C12orf50: variants seen among roughly 807,000 people sequenced by gnomAD.
C12orf50 encodes zinc finger CCCH-type containing 11D.
C12orf50 carries 35 observed loss-of-function variants against 61.6 expected under a neutral mutation model. The ratio of observed to expected loss-of-function variants is 0.57; its 90% confidence interval spans 0.43 to 0.75. The LOEUF is 0.75. C12orf50 is among the 30% of genes least tolerant of loss of function. C12orf50 has a pLI of 0.00. For missense variants in C12orf50, 475 were observed against 488.5 expected, an observed-to-expected ratio of 0.97 and a Z score of 0.26; for synonymous variants, 178 against 161.5, an observed-to-expected ratio of 1.10 and a Z score of -0.77.
At chr12:88,024,349 T>C (rs187925425) in intron 3 of C12orf50, among the ~76,000 whole-genome samples, 54 of 152,284 alleles carry the variant, frequency 3.5e-4, no homozygotes, top group Non-Finnish European at 2.1e-4. Context: ...CACAGCACTA[T>C]TCACAATAGC....
intron 3 of C12orf50, among the ~76,000 whole-genome samples, chr12:88,012,439 TCA>T (rs1277193977): frequency 6.6e-6 from 1 of 152,182 alleles, no homozygotes; most frequent in Non-Finnish European, 1.5e-5. Flanking sequence ...TCATTTAGAC[TCA>T]CAGGAATTGG....
At chr12:88,002,975 T>C (rs1375940968) in intron 3 of C12orf50, among the ~76,000 whole-genome samples, 1 of 151,890 alleles carries the variant, frequency 6.6e-6, no homozygotes, top group Admixed American at 6.6e-5. Context: ...CTTCCTCCTT[T>C]CTGTGCTACT....
chr12:88,027,935 G>A (rs2032766549), intron 1 of C12orf50: 1 of 152,252 alleles, frequency 6.6e-6, no homozygotes, highest in South Asian at 2.1e-4. Context: ...GCACGGGTTA[G>A]TAGGCAGGGG....
chr12:88,025,380 G>C (rs539117938), intron 3 of C12orf50, among the ~76,000 whole-genome samples: 1 of 152,124 alleles, frequency 6.6e-6, no homozygotes, highest in Admixed American at 6.5e-5. Flanking sequence ...TTCTCAGTTC[G>C]TAAGACATAA....
intron 4 of C12orf50, among the ~76,000 whole-genome samples, 186 bp downstream of exon 4, chr12:87,997,849 C>A (rs1312237139): frequency 6.6e-6 from 1 of 151,964 alleles, no homozygotes; most frequent in African/African-American, 2.4e-5. Context: ...ACTTTCCAAT[C>A]CAAAAGATCA....
In C12orf50 at chr12:88,007,877, T is replaced by C. The variant is rs114389340; in HGVS notation, c.134-9687A>G. Among the ~76,000 whole-genome samples, 500 of 152,158 alleles carry C rather than the reference T, an allele frequency of 3.3e-3. 3 individuals carry two copies. The highest frequency in any genetic ancestry group is 0.012 in the African/African-American group (478 of 41,534). On this transcript the variant is annotated intron_variant, in intron 3 of 12. Transcript: ENST00000298699. ...AGTGATAATTGTAATAATAATTCAA[T>C]CCTAAAGGCATGTTAAAGACCATAT...
chr12:88,024,444 G>A (rs910476454), intron 3 of C12orf50, among the ~76,000 whole-genome samples: 3 of 152,136 alleles, frequency 2.0e-5, no homozygotes, highest in Admixed American at 6.5e-5. Flanking sequence ...ATTACTACAC[G>A]CCATAAAACA....
chr12:87,980,310 T>TC lies in C12orf50; in HGVS notation c.*20dup. On this transcript the variant is annotated 3_prime_UTR_variant, in exon 13 of 13. Transcript: ENST00000298699. ...ATGTCTGGCAATTTTTTCTCATTTT[T>TC]CTCTCTCTCAACCTCCAGGTTTACT... 6.2e-7 allele frequency: 1 copy of TC among 1,603,354 alleles called. No homozygotes were observed.
intron 3 of C12orf50, among the ~76,000 whole-genome samples, chr12:88,007,751 A>C (rs1410703507): frequency 6.6e-6 from 1 of 152,196 alleles, no homozygotes; most frequent in Non-Finnish European, 1.5e-5. Flanking sequence ...TTGATCATTA[A>C]TTCACCTAAT....
At chr12:88,005,125 G>A (rs558161603) in intron 3 of C12orf50, among the ~76,000 whole-genome samples, 1 of 152,064 alleles carries the variant, frequency 6.6e-6, no homozygotes, top group Non-Finnish European at 1.5e-5. Context: ...TTCTGTATGT[G>A]GATTATAATT....
chr12:88,019,894 T>C (rs1171261185), intron 3 of C12orf50, among the ~76,000 whole-genome samples: 1 of 152,068 alleles, frequency 6.6e-6, no homozygotes, highest in Non-Finnish European at 1.5e-5. Context: ...TCAGCATTCT[T>C]AGAGAAAAAA....
rs1181666161 is a variant in C12orf50 at position 87,995,869 on chromosome 12, T to C, written c.481+505A>G. Among the ~76,000 whole-genome samples the C allele has an allele frequency of 5.3e-5, 8 of 152,284 alleles. No homozygotes were observed. In the East Asian group the frequency reaches 7.7e-4, roughly 15 times the overall value. ...AGATGTTCATCCACAGTAAATCAGA[T>C]TCTCCAAAGGTAAGCGCCATAAAAA... On this transcript the variant is annotated intron_variant, in intron 6 of 12. Coordinates refer to ENST00000298699, the MANE Select transcript of C12orf50 (RefSeq NM_152589.3).
intron 3 of C12orf50, among the ~76,000 whole-genome samples, chr12:88,004,468 G>C (rs2031777528): frequency 6.6e-6 from 1 of 152,190 alleles, no homozygotes; most frequent in Non-Finnish European, 1.5e-5. Context: ...AATTAGTTCA[G>C]CCATTGTGGA....
intron 3 of C12orf50, among the ~76,000 whole-genome samples, chr12:88,001,901 T>G (rs1338192227): frequency 6.6e-6 from 1 of 151,620 alleles, no homozygotes; most frequent in Non-Finnish European, 1.5e-5. Context: ...TCAGTCAAGT[T>G]AAAGATTTTT....
At chr12:88,019,639 A>G (rs1018204331) in intron 3 of C12orf50, among the ~76,000 whole-genome samples, 22 of 152,314 alleles carry the variant, frequency 1.4e-4, no homozygotes, top group African/African-American at 5.3e-4. Flanking sequence ...GAGAAAAAAA[A>G]AACCAAGAAC....
chr12:87,997,234 A>G (rs773893586), intron 4 of C12orf50, among the ~76,000 whole-genome samples: 4 of 152,142 alleles, frequency 2.6e-5, no homozygotes, highest in Admixed American at 6.6e-5. Context: ...TAGATTATTA[A>G]CTACTACATA....
chr12:88,021,886 G>A (rs2032530193), intron 3 of C12orf50, among the ~76,000 whole-genome samples: 1 of 151,996 alleles, frequency 6.6e-6, no homozygotes, highest in African/African-American at 2.4e-5. Flanking sequence ...GGGCCAGATA[G>A]ATTCATAGCC....
At chr12:87,995,474 G>A (rs902637037) in intron 6 of C12orf50, among the ~76,000 whole-genome samples, 3 of 152,110 alleles carry the variant, frequency 2.0e-5, no homozygotes, top group Admixed American at 6.6e-5. Context: ...ATAACAATGT[G>A]TATATTTAGA....
intron 7 of C12orf50, among the ~76,000 whole-genome samples, chr12:87,991,973 G>A (rs1358312828): frequency 6.6e-6 from 1 of 152,148 alleles, no homozygotes; most frequent in African/African-American, 2.4e-5. Context: ...CACATTCCTA[G>A]CTGAGGTCTA....
Sources: allele counts gnomAD v4.1 joint callset (sites outside exome capture counted in the v4.1 genomes callset), GRCh38; gene constraint gnomAD v4.1.1; transcripts MANE v1.5; gene names NCBI Gene and HGNC (gene_info 2026-07-23, HGNC 2026-07-21).